Variants in VPS13B observed in about 807,000 individuals in gnomAD.
VPS13B encodes intermembrane lipid transfer protein VPS13B.
Under a neutral mutation model 426.4 loss-of-function variants are expected in VPS13B, and 285 were observed. The observed-to-expected ratio is 0.67, with a 90% CI of 0.61 to 0.74. VPS13B has a LOEUF of 0.74. Among genes scored for constraint, VPS13B ranks in the 30% least tolerant of loss-of-function variants. VPS13B has a pLI of 0.00. For synonymous variants in VPS13B, 1,676 were observed against 1,676.4 expected, an observed-to-expected ratio of 1.00 and a Z score of 0.01; for missense variants, 4,537 against 4,782.6, an observed-to-expected ratio of 0.95 and a Z score of 1.51.
intron 17 of VPS13B, among the ~76,000 whole-genome samples, chr8:99,222,534 AAC>A (rs1458228893): frequency 6.6e-6 from 1 of 152,210 alleles, no homozygotes; most frequent in Non-Finnish European, 1.5e-5. Context: ...TATGAAGGGT[AAC>A]AGGGTTTTCT....
chr8:99,542,680 G>T (rs1823688690), intron 30 of VPS13B, among the ~76,000 whole-genome samples: 1 of 152,060 alleles, frequency 6.6e-6, no homozygotes, highest in African/African-American at 2.4e-5. Context: ...TTTTGATCAG[G>T]TTTGAACCAT....
intron 12 of VPS13B, among the ~76,000 whole-genome samples, chr8:99,140,093 G>A (rs780257693): frequency 1.3e-5 from 2 of 152,104 alleles, no homozygotes; most frequent in Admixed American, 6.5e-5. Context: ...TAGGCTGAGC[G>A]TGGTGGCTCA....
At chr8:99,607,472 G>A (rs544373587) in intron 33 of VPS13B, among the ~76,000 whole-genome samples, 2 of 152,238 alleles carry the variant, frequency 1.3e-5, no homozygotes, top group South Asian at 4.2e-4. Context: ...GATTGTCCCA[G>A]GTATTTCCCT....
chr8:99,588,951 T>G (rs1826450294), intron 33 of VPS13B, among the ~76,000 whole-genome samples: 1 of 151,766 alleles, frequency 6.6e-6, no homozygotes, highest in African/African-American at 2.4e-5. Context: ...AAATAGCTCT[T>G]ATTATTTTGA....
chr8:99,135,091 T>C lies in VPS13B; in HGVS notation c.1379T>C (p.Ile460Thr). Residue 460 changes from isoleucine to threonine, a missense_variant, in exon 10 of 62, where the codon ATT becomes ACT. By Grantham distance (89) the Ile-to-Thr change is moderately conservative. Coordinates refer to ENST00000357162, the MANE Select transcript of VPS13B (RefSeq NM_152564.5). ...VGCRAMCLKGIMGVKDFEENM... is the reference protein window; with the variant it reads ...VGCRAMCLKGTMGVKDFEENM... The stretch of plus-strand genomic sequence containing the variant: ...TGCAGAGCCATGTGCCTTAAAGGAA[T>C]TATGGGTGTTAAAGATTTTGAAGAG... 2 of 1,613,548 alleles carry C rather than the reference T, an allele frequency of 1.2e-6. No individual in the cohort carries two copies. The highest frequency in any genetic ancestry group is 1.7e-6 in the Non-Finnish European group (2 of 1,179,596).
intron 3 of VPS13B, among the ~76,000 whole-genome samples, chr8:99,080,157 G>C (rs1233755275): frequency 6.6e-6 from 1 of 151,560 alleles, no homozygotes; most frequent in African/African-American, 2.4e-5. Context: ...TGCATGTTAG[G>C]TGTATTGCAA....
intron 44 of VPS13B, among the ~76,000 whole-genome samples, chr8:99,815,260 T>C (rs545921295): frequency 6.6e-6 from 1 of 152,186 alleles, no homozygotes; most frequent in Admixed American, 6.5e-5. Flanking sequence ...GTAGCTCCCA[T>C]CTGATTACAA....
At chr8:99,612,490 C>A (rs977056160) in intron 33 of VPS13B, among the ~76,000 whole-genome samples, 1 of 152,118 alleles carries the variant, frequency 6.6e-6, no homozygotes, top group African/African-American at 2.4e-5. Flanking sequence ...CTATTTTAAG[C>A]CAGTCTAATA....
At chr8:99,028,485 A>C (rs1587932914) in intron 2 of VPS13B, among the ~76,000 whole-genome samples, 2 of 99,668 alleles carry the variant, frequency 2.0e-5, no homozygotes, top group Non-Finnish European at 4.0e-5. Flanking sequence ...GGAGCCCCTC[A>C]CCTCCTGGAT....
intron 19 of VPS13B, among the ~76,000 whole-genome samples, chr8:99,332,355 G>A (rs577969100): frequency 1.3e-5 from 2 of 151,624 alleles, no homozygotes; most frequent in South Asian, 4.2e-4. Context: ...GAAAAATCAG[G>A]AATTAATGTT....
intron 33 of VPS13B, among the ~76,000 whole-genome samples, chr8:99,613,607 G>T (rs935497871): frequency 2.0e-5 from 3 of 152,154 alleles, no homozygotes; most frequent in Non-Finnish European, 2.9e-5. Flanking sequence ...AAGGAAAGGT[G>T]AAAATGTTTT....
chr8:99,551,354 T>A (rs1008198996), intron 30 of VPS13B, among the ~76,000 whole-genome samples: 2 of 152,068 alleles, frequency 1.3e-5, no homozygotes, highest in African/African-American at 4.8e-5. Flanking sequence ...TTTTTGCATA[T>A]GTTGACTCTT....
At chr8:99,272,895 T>C (rs905612760) in intron 17 of VPS13B, among the ~76,000 whole-genome samples, 1 of 152,158 alleles carries the variant, frequency 6.6e-6, no homozygotes, top group Non-Finnish European at 1.5e-5. Context: ...AAATCTGAAA[T>C]GTTCTAAAAT....
chr8:99,720,303 T>G, intron 37 of VPS13B, 42 bp from the exon 38 acceptor site: 2 of 1,507,772 alleles, frequency 1.3e-6, no homozygotes. Context: ...TCAAGAAATG[T>G]TTGTATTTAA....
At chr8:99,233,861 A>T in intron 17 of VPS13B, 1 of 780,034 alleles carries the variant, frequency 1.3e-6, no homozygotes, top group Admixed American at 1.7e-5. Flanking sequence ...CTCTTTCTGC[A>T]TGCTTTCAAG....
chr8:99,286,387 A>T (rs915063767), intron 19 of VPS13B, among the ~76,000 whole-genome samples: 2 of 152,198 alleles, frequency 1.3e-5, no homozygotes, highest in Non-Finnish European at 2.9e-5. Context: ...GATTTTATTT[A>T]ACTCATCATT....
intron 3 of VPS13B, among the ~76,000 whole-genome samples, chr8:99,068,234 G>A (rs1563519103): frequency 6.6e-6 from 1 of 151,996 alleles, no homozygotes; most frequent in Non-Finnish European, 1.5e-5. Flanking sequence ...CTTTTGCCAA[G>A]CATAAATTTT....
At chr8:99,209,443 T>C (rs1814935682) in intron 17 of VPS13B, 1 of 152,564 alleles carries the variant, frequency 6.6e-6, no homozygotes, top group Admixed American at 6.5e-5. Context: ...CTACTGATTT[T>C]AATATAGGTA....
rs150196037 is a variant in VPS13B, at chr8:99,803,912, G to A, written c.7942-5463G>A. On this transcript the variant is annotated intron_variant, in intron 43 of 61. Transcript: ENST00000357162. The stretch of plus-strand genomic sequence containing the variant: ...TTTTTACTCATGATGCTCACCTATT[G>A]TATCATTTTGGGCCTACTTGATATT... Among the ~76,000 whole-genome samples, 137 of 152,116 alleles carry A rather than the reference G, an allele frequency of 9.0e-4. 2 individuals carry two copies. The highest frequency in any genetic ancestry group is 7.1e-3 in the Admixed American group (108 of 15,276).
Sources: allele counts gnomAD v4.1 joint callset (sites outside exome capture counted in the v4.1 genomes callset), GRCh38; gene constraint gnomAD v4.1.1; transcripts MANE v1.5; gene names NCBI Gene and HGNC (gene_info 2026-07-23, HGNC 2026-07-21).